Variants in COLEC10 observed in about 807,000 individuals in gnomAD.
COLEC10 encodes the protein collectin subfamily member 10, also known as collectin-10.
A neutral mutation model predicts 28.4 loss-of-function variants in COLEC10; 22 were observed. The observed-to-expected ratio is 0.78, with a 90% CI of 0.55 to 1.11. COLEC10 has a LOEUF of 1.11. Ranked by LOEUF, COLEC10 falls within the 50% of genes least tolerant of loss-of-function variation. The pLI is 0.00. For missense variants in COLEC10, 361 were observed against 344.1 expected, an observed-to-expected ratio of 1.05 and a Z score of -0.39; for synonymous variants, 125 against 116.1, an observed-to-expected ratio of 1.08 and a Z score of -0.49.
chr8:118,970,244 A>G, the COLEC10 span, among the ~76,000 whole-genome samples: 1 of 152,044 alleles, frequency 6.6e-6, no homozygotes, highest in Non-Finnish European at 1.5e-5. Flanking sequence ...GTAGCAAATT[A>G]TTGTAAGAAA....
At chr8:119,062,159 T>C (rs1187451515) in intron 2 of COLEC10, among the ~76,000 whole-genome samples, 1 of 152,058 alleles carries the variant, frequency 6.6e-6, no homozygotes, top group Non-Finnish European at 1.5e-5. Context: ...AATTATAATA[T>C]TAAGTTACTA....
intron 1 of COLEC10, 89 bp downstream of exon 1, chr8:119,067,518 T>C (rs1814995494): frequency 8.3e-7 from 1 of 1,205,476 alleles, no homozygotes; most frequent in Non-Finnish European, 1.2e-6. Context: ...AATGACTTTC[T>C]CTTCTCTCCT....
rs996874022 is a variant in COLEC10 at position 119,106,902 on chromosome 8, C to T, written c.*711C>T. On this transcript the variant is annotated 3_prime_UTR_variant, in exon 6 of 6. Coordinates refer to ENST00000332843, the MANE Select transcript of COLEC10 (RefSeq NM_006438.5). ...CCTTTCTGTAGGCTCACACCTTAAT[C>T]TCAGGCCCCTATATAGTCACACTTT... Among the ~76,000 whole-genome samples, 1 of 152,142 alleles carries T rather than the reference C, an allele frequency of 6.6e-6. No individual in the cohort carries two copies. The highest frequency in any genetic ancestry group is 2.4e-5 in the African/African-American group (1 of 41,438).
intron 2 of COLEC10, among the ~76,000 whole-genome samples, chr8:119,024,670 G>A (rs1814157003): frequency 6.6e-6 from 1 of 152,080 alleles, no homozygotes. Flanking sequence ...TGAATGTTCA[G>A]ATGACATGAC....
the COLEC10 span, among the ~76,000 whole-genome samples, chr8:118,977,829 G>A: frequency 2.0e-5 from 3 of 151,660 alleles, no homozygotes; most frequent in Non-Finnish European, 4.4e-5. Flanking sequence ...ATAGCCCTTA[G>A]GTTGTTAATA....
chr8:119,007,997 G>A, intron 1 of COLEC10, among the ~76,000 whole-genome samples: 1 of 150,692 alleles, frequency 6.6e-6, no homozygotes, highest in African/African-American at 2.5e-5. Flanking sequence ...ATTTTACTAA[G>A]TACAAAAAAA....
the COLEC10 span, among the ~76,000 whole-genome samples, chr8:118,957,730 G>A: frequency 1.3e-5 from 2 of 152,202 alleles, no homozygotes; most frequent in Non-Finnish European, 2.9e-5. Context: ...ATCACTGAAT[G>A]CTTAGAGTAC....
chr8:119,042,486 G>T (rs1315036959), intron 2 of COLEC10, among the ~76,000 whole-genome samples: 1 of 152,016 alleles, frequency 6.6e-6, no homozygotes, highest in East Asian at 1.9e-4. Context: ...CAAAGACAAG[G>T]GGTTCGAATG....
intron 3 of COLEC10, 119 bp from the exon 4 acceptor site, chr8:119,102,226 CCCT>C: frequency 9.6e-6 from 2 of 207,542 alleles, no homozygotes; most frequent in Middle Eastern, 2.1e-3. Context: ...CTCCCTCCCT[CCCT>C]CCCTCCCTCC....
At chr8:118,974,947 G>A in the COLEC10 span, among the ~76,000 whole-genome samples, 1 of 151,934 alleles carries the variant, frequency 6.6e-6, no homozygotes, top group Non-Finnish European at 1.5e-5. Flanking sequence ...TGGCCAGGAA[G>A]GTTACTTTTA....
chr8:119,041,549 C>A (rs1364956246), intron 2 of COLEC10, among the ~76,000 whole-genome samples: 1 of 152,130 alleles, frequency 6.6e-6, no homozygotes. Context: ...TAAAACATGA[C>A]CCCAATATAC....
At chr8:119,059,827 C>A (rs1814823045) in intron 2 of COLEC10, among the ~76,000 whole-genome samples, 1 of 152,070 alleles carries the variant, frequency 6.6e-6, no homozygotes, top group Admixed American at 6.6e-5. Context: ...AACATGACCA[C>A]TACTCAATCC....
the COLEC10 span, among the ~76,000 whole-genome samples, chr8:118,964,481 G>A: frequency 6.6e-6 from 1 of 152,148 alleles, no homozygotes; most frequent in East Asian, 1.9e-4. Flanking sequence ...GAATCTCTAA[G>A]GTGTCAATGA....
chr8:119,041,857 G>T (rs914478048), intron 2 of COLEC10, among the ~76,000 whole-genome samples: 1 of 152,114 alleles, frequency 6.6e-6, no homozygotes, highest in Non-Finnish European at 1.5e-5. Context: ...TCAATCTAGA[G>T]TGGTGAATGA....
At chr8:119,104,044 A>G in intron 5 of COLEC10, 149 bp downstream of exon 5, 1 of 601,188 alleles carries the variant, frequency 1.7e-6, no homozygotes, top group Non-Finnish European at 3.0e-6. Flanking sequence ...ATTGCTAATT[A>G]TCCACTAAGA....
chr8:119,087,108 C>T (rs1815495253), intron 1 of COLEC10, among the ~76,000 whole-genome samples: 1 of 152,162 alleles, frequency 6.6e-6, no homozygotes, highest in South Asian at 2.1e-4. Flanking sequence ...ACATTTTTGG[C>T]ACAAACTATT....
At chr8:119,088,981 G>A (rs1304963619) in intron 1 of COLEC10, among the ~76,000 whole-genome samples, 2 of 152,144 alleles carry the variant, frequency 1.3e-5, no homozygotes, top group Non-Finnish European at 2.9e-5. Flanking sequence ...CAGATAGTGA[G>A]TGGTGGAGCT....
chr8:119,067,100 T>TCCA, upstream of COLEC10: 2 of 576,700 alleles, frequency 3.5e-6, no homozygotes, highest in South Asian at 4.4e-5. Flanking sequence ...GGACAATGTA[T>TCCA]GGTCCATTTG....
intron 2 of COLEC10, among the ~76,000 whole-genome samples, chr8:119,023,752 A>C (rs1025755979): frequency 6.6e-6 from 1 of 152,210 alleles, no homozygotes. Flanking sequence ...TCTATTTTTC[A>C]ATCAACTTAT....
Sources: gnomAD v4.1 joint callset for allele counts (sites outside exome capture counted in the v4.1 genomes callset) on GRCh38, gnomAD v4.1.1 for gene constraint, MANE v1.5 for transcripts, NCBI Gene and HGNC (gene_info 2026-07-23, HGNC 2026-07-21) for gene names.